The following TTLL9 variants were observed in gnomAD, a reference collection of about 807,000 sequenced individuals.
TTLL9 encodes the protein tubulin tyrosine ligase like 9, also known as probable tubulin polyglutamylase TTLL9.
A neutral mutation model predicts 65.6 loss-of-function variants in TTLL9; 47 were observed. That is an observed-to-expected ratio of 0.72 (90% CI 0.57 to 0.91). The LOEUF (loss-of-function observed/expected upper bound fraction) is 0.91, where lower values mean the gene tolerates loss of function less well. Among genes scored for constraint, TTLL9 ranks in the 40% least tolerant of loss-of-function variants. TTLL9 has a pLI of 0.00. For missense variants in TTLL9, 537 were observed against 568.8 expected (o/e 0.94, Z 0.57); for synonymous variants, 179 against 204.8 (o/e 0.87, Z 1.07).
At chr20:31,938,083 CCTCCCTCCCT>C in intron 13 of TTLL9, 2 of 131,832 alleles carry the variant, frequency 1.5e-5, no homozygotes, top group South Asian at 7.8e-5. Context: ...TCTCCCTCTC[CCTCCCTCCCT>C]CTCCCTCTCC....
At chr20:31,887,839 A>G (rs2063214371) in intron 3 of TTLL9, among the ~76,000 whole-genome samples, 2 of 76,782 alleles carry the variant, frequency 2.6e-5, no homozygotes, top group South Asian at 9.9e-4. Flanking sequence ...TCTTTGGTTC[A>G]TTAGATATCT....
At chr20:31,871,300 C>G in intron 2 of TTLL9, 105 bp downstream of exon 2, 1 of 1,271,578 alleles carries the variant, frequency 7.9e-7, no homozygotes. Context: ...GTCTGGAGAC[C>G]AAGGTTTGAG....
At chr20:31,875,732 A>G (rs771481306) in intron 2 of TTLL9, among the ~76,000 whole-genome samples, 2 of 152,204 alleles carry the variant, frequency 1.3e-5, no homozygotes, top group African/African-American at 2.4e-5. Context: ...AAAATCTTAA[A>G]TCCAGGTAAG....
At chr20:31,899,791 G>A (rs1490397625) in intron 4 of TTLL9, among the ~76,000 whole-genome samples, 1 of 151,476 alleles carries the variant, frequency 6.6e-6, no homozygotes, top group Non-Finnish European at 1.5e-5. Flanking sequence ...TTGAGATGGA[G>A]TCTTGCTCTG....
Position 31,937,490 on chromosome 20 carries a change from G to A in TTLL9, c.1099G>A (p.Val367Ile), listed in dbSNP as rs1435614475. ...CTGCCTCCTGGAAGACACCCTGCAT[G>A]TTGTGGACATGGAAGCGAGGTGAGG... ...KTCLLEDTLH[V>I]VDMEARLTGR... is the part of the protein sequence containing the mutation. The change falls in exon 13 of 15, where the codon GTT (valine) becomes ATT (isoleucine). Residue 367 changes from valine to isoleucine, a missense_variant. This residue lies in a region of TTLL9 where 205 missense variants were observed against 225.9 expected (regional missense o/e 0.91). Coordinates refer to ENST00000535842, the MANE Select transcript of TTLL9 (RefSeq NM_001008409.5). 1.9e-6 allele frequency: 3 copies of A among 1,613,702 alleles called. No homozygotes were observed. Among genetic ancestry groups the A allele is most frequent in the Non-Finnish European group, 2.5e-6 (3 of 1,179,728 alleles).
rs372921246 is a variant in TTLL9, at chr20:31,919,876, C to T, written c.517C>T (p.Gln173Ter). The change falls in exon 7 of 15, where the codon CAA becomes TAA. Residue 173 changes from glutamine to a stop codon, truncating the protein, a stop_gained. Transcript: ENST00000535842. LOFTEE classifies it high-confidence loss of function. ...TWIMKPVARSQGKGIFLFRRL... is the reference protein window; with the variant it reads ...TWIMKPVARS The stretch of plus-strand genomic sequence containing the variant: ...CATCCCACCCCAGGTAGCCCGGTCT[C>T]AAGGGAAAGGCATCTTCCTCTTCCG... The T allele has an allele frequency of 6.3e-7, 1 of 1,592,030 alleles. No homozygotes were observed. Among genetic ancestry groups the T allele is most frequent in the Non-Finnish European group, 8.5e-7 (1 of 1,169,862 alleles).
At chr20:31,928,921 G>A (rs992127286) in intron 10 of TTLL9, among the ~76,000 whole-genome samples, 18 of 152,180 alleles carry the variant, frequency 1.2e-4, no homozygotes, top group African/African-American at 3.4e-4. Context: ...TGTTGCCCCC[G>A]ATCGAGTACA....
intron 10 of TTLL9, among the ~76,000 whole-genome samples, chr20:31,926,466 C>T (rs1021926961): frequency 9.2e-5 from 14 of 152,224 alleles, no homozygotes; most frequent in Non-Finnish European, 1.5e-4. Context: ...TGGTATGACT[C>T]CTTTGAAGAC....
At chr20:31,871,287 G>GACCA in intron 2 of TTLL9, 92 bp downstream of exon 2, 3 of 1,408,720 alleles carry the variant, frequency 2.1e-6, no homozygotes, top group South Asian at 2.3e-5. Context: ...GGTCCTGGAA[G>GACCA]GGGTCTGGAG....
intron 2 of TTLL9, among the ~76,000 whole-genome samples, chr20:31,873,682 GAGAGAAAGAAAGAAAGAA>G (rs2062974254): frequency 5.7e-5 from 5 of 87,390 alleles, no homozygotes; most frequent in East Asian, 2.7e-4. Flanking sequence ...GAAAGAGAGA[GAGAGAAAGAAAGAAAGAA>G]AGAAAGAAAG....
chr20:31,925,799 A>C, intron 9 of TTLL9: 120 of 1,364,514 alleles, frequency 8.8e-5, no homozygotes, highest in Non-Finnish European at 1.2e-4. Flanking sequence ...GGTAGGTGCA[A>C]GAGCTAGGCG....
chr20:31,887,423 G>A (rs2063208885), intron 3 of TTLL9, among the ~76,000 whole-genome samples, 184 bp downstream of exon 3: 1 of 152,198 alleles, frequency 6.6e-6, no homozygotes, highest in African/African-American at 2.4e-5. Flanking sequence ...CACTTTACCT[G>A]TATTAGCTCA....
At chr20:31,879,299 C>T (rs1230322840) in intron 2 of TTLL9, among the ~76,000 whole-genome samples, 1 of 152,164 alleles carries the variant, frequency 6.6e-6, no homozygotes, top group African/African-American at 2.4e-5. Flanking sequence ...CCAACCTGGG[C>T]GACACAGCGA....
intron 12 of TTLL9, among the ~76,000 whole-genome samples, chr20:31,936,399 G>A (rs1014032368): frequency 2.0e-5 from 3 of 152,050 alleles, no homozygotes; most frequent in African/African-American, 2.4e-5. Flanking sequence ...GAGGCCAGGG[G>A]TTCAAGGCTG....
chr20:31,935,176 T>C (rs1258358826), intron 12 of TTLL9, among the ~76,000 whole-genome samples: 6 of 152,106 alleles, frequency 3.9e-5, no homozygotes, highest in Admixed American at 6.5e-5. Context: ...AGTCAGGAAT[T>C]CTCCCCTATA....
chr20:31,884,714 A>C (rs184767399), intron 2 of TTLL9, among the ~76,000 whole-genome samples: 87 of 152,208 alleles, frequency 5.7e-4, no homozygotes, highest in African/African-American at 2.0e-3. Flanking sequence ...TGACTCTGAC[A>C]CTCTGACATT....
chr20:31,886,015 C>G (rs1013936182), intron 2 of TTLL9, among the ~76,000 whole-genome samples: 2 of 152,196 alleles, frequency 1.3e-5, no homozygotes, highest in Non-Finnish European at 2.9e-5. Context: ...AAACAGGGAC[C>G]TCCGTCCTAC....
chr20:31,904,148 G>T (rs2063516285), intron 4 of TTLL9, among the ~76,000 whole-genome samples: 1 of 152,194 alleles, frequency 6.6e-6, no homozygotes, highest in South Asian at 2.1e-4. Flanking sequence ...CTCATCGGGG[G>T]TTTGTGATGC....
At chr20:31,900,522 A>G (rs1388275811) in intron 4 of TTLL9, among the ~76,000 whole-genome samples, 1 of 152,202 alleles carries the variant, frequency 6.6e-6, no homozygotes, top group Non-Finnish European at 1.5e-5. Flanking sequence ...AAATCATCCC[A>G]TGAAAAATTA....
Sources: allele counts gnomAD v4.1 joint callset (sites outside exome capture counted in the v4.1 genomes callset), GRCh38; gene constraint gnomAD v4.1.1; regional missense constraint gnomAD v4.1.1; transcripts MANE v1.5; gene names NCBI Gene and HGNC (gene_info 2026-07-23, HGNC 2026-07-21).